Variants in DLG2 observed in about 807,000 individuals in gnomAD.
DLG2 encodes disks large homolog 2.
A neutral mutation model predicts 132.5 loss-of-function variants in DLG2; 45 were observed. The observed-to-expected ratio is 0.34, with a 90% CI of 0.27 to 0.44. The LOEUF (loss-of-function observed/expected upper bound fraction) is 0.44. DLG2 is among the 20% of genes least tolerant of loss of function. The pLI is 1.00. For synonymous variants in DLG2, 424 were observed against 419.6 expected, an observed-to-expected ratio of 1.01 and a Z score of -0.13; for missense variants, 1,045 against 1,196.9, an observed-to-expected ratio of 0.87 and a Z score of 1.87.
rs543646235 is a variant in DLG2, at chr11:84,421,475, T to A, written c.519+113095A>T. Among the ~76,000 whole-genome samples, 7 of 152,282 alleles carry A rather than the reference T, an allele frequency of 4.6e-5. No individual in the cohort carries two copies. In the East Asian group the frequency reaches 1.4e-3, roughly 30 times the overall value. On this transcript the variant is annotated intron_variant, in intron 7 of 27. Coordinates refer to ENST00000376104, the MANE Select transcript of DLG2 (RefSeq NM_001142699.3). ...TGTTTTATCAAGACTTCCAGGTGAT[T>A]TCCATGCACACTAAAGTTTGAGAAT...
At chr11:85,525,372 GT>G (rs1435133216) in intron 3 of DLG2, among the ~76,000 whole-genome samples, 1 of 152,014 alleles carries the variant, frequency 6.6e-6, no homozygotes, top group Admixed American at 6.6e-5. Context: ...TGAAACTAAG[GT>G]TTTCATTATC....
intron 3 of DLG2, among the ~76,000 whole-genome samples, chr11:85,490,467 G>T (rs2093531267): frequency 1.3e-5 from 2 of 151,290 alleles, no homozygotes; most frequent in Non-Finnish European, 2.9e-5. Context: ...AGAACTAAAT[G>T]ACAAAAAAAT....
chr11:84,778,293 A>G (rs934847355), intron 6 of DLG2, among the ~76,000 whole-genome samples: 26 of 152,064 alleles, frequency 1.7e-4, no homozygotes, highest in African/African-American at 6.0e-4. Context: ...TGGATTCTCT[A>G]TTCTGTTCTA....
chr11:84,701,123 AG>A (rs1193095092), intron 6 of DLG2, among the ~76,000 whole-genome samples: 2 of 151,588 alleles, frequency 1.3e-5, no homozygotes, highest in African/African-American at 4.8e-5. Context: ...TCCCAATCAC[AG>A]TTGACTTAGA....
chr11:85,162,597 TTTTCC>T (rs2078117167), intron 4 of DLG2, among the ~76,000 whole-genome samples: 1 of 152,228 alleles, frequency 6.6e-6, no homozygotes, highest in South Asian at 2.1e-4. Context: ...TTTATTTCCT[TTTTCC>T]TTTATTATGT....
intron 8 of DLG2, among the ~76,000 whole-genome samples, chr11:84,216,777 T>G (rs548859844): frequency 1.3e-5 from 2 of 152,334 alleles, no homozygotes; most frequent in South Asian, 4.1e-4. Context: ...AATGTTATAT[T>G]GCTCATAGTA....
At chr11:84,326,516 C>T (rs991824482) in intron 7 of DLG2, among the ~76,000 whole-genome samples, 5 of 152,122 alleles carry the variant, frequency 3.3e-5, no homozygotes, top group African/African-American at 1.2e-4. Flanking sequence ...TTAATTTCCT[C>T]ATGTGTAAAT....
intron 6 of DLG2, among the ~76,000 whole-genome samples, chr11:84,807,883 C>A (rs189148167): frequency 6.6e-6 from 1 of 152,038 alleles, no homozygotes; most frequent in African/African-American, 2.4e-5. Flanking sequence ...GACAAATAGA[C>A]AAACACATAA....
At chr11:84,699,417 T>G (rs2058970054) in intron 6 of DLG2, among the ~76,000 whole-genome samples, 1 of 151,554 alleles carries the variant, frequency 6.6e-6, no homozygotes, top group South Asian at 2.1e-4. Flanking sequence ...CCCTTCTAAA[T>G]AAGCCCTCAG....
intron 5 of DLG2, among the ~76,000 whole-genome samples, chr11:85,141,282 C>A (rs747958435): frequency 2.6e-5 from 4 of 151,706 alleles, no homozygotes; most frequent in Non-Finnish European, 4.4e-5. Context: ...GAGATGATAC[C>A]CCACTGTTGT....
rs1555518887 is a variant in DLG2, at chr11:84,350,174, T to TACCG, written c.520-98884_520-98883insCGGT. Among the ~76,000 whole-genome samples the TACCG allele has an allele frequency of 6.1e-5, 5 of 81,930 alleles. No homozygotes were observed. In the Admixed American group the frequency reaches 7.4e-4, roughly 12 times the overall value. 53.7% of individuals were successfully genotyped at this position (81,930 alleles called of 152,430 possible). A position where few individuals can be genotyped will look rare whatever the true frequency, so the allele number is the denominator to read the frequency against. On this transcript the variant is annotated intron_variant, in intron 7 of 27. Transcript: ENST00000376104. ...GCCTGGGCGACAGAGAGAGACTTCG[T>TACCG]CCCCCCCCCCAAAAAAAAAAAAAAA...
At chr11:83,994,698 A>C (rs1296382638) in intron 11 of DLG2, among the ~76,000 whole-genome samples, 1 of 152,174 alleles carries the variant, frequency 6.6e-6, no homozygotes, top group African/African-American at 2.4e-5. Context: ...AGGCTATCTT[A>C]GTTTCCTAGG....
At chr11:84,329,442 T>C (rs1353165767) in intron 7 of DLG2, among the ~76,000 whole-genome samples, 2 of 152,190 alleles carry the variant, frequency 1.3e-5, no homozygotes, top group African/African-American at 4.8e-5. Context: ...GTGTGAGTTC[T>C]CATGAGATCT....
chr11:85,591,152 C>T (rs889841953), intron 3 of DLG2, among the ~76,000 whole-genome samples: 7 of 152,152 alleles, frequency 4.6e-5, no homozygotes, highest in African/African-American at 1.7e-4. Flanking sequence ...TTAAGAAATA[C>T]TTGATCCTGC....
chr11:84,129,537 T>G (rs1432095560), intron 9 of DLG2, among the ~76,000 whole-genome samples: 2 of 152,096 alleles, frequency 1.3e-5, no homozygotes, highest in Non-Finnish European at 2.9e-5. Flanking sequence ...GTACATGATG[T>G]GAGATGGCCT....
intron 3 of DLG2, among the ~76,000 whole-genome samples, chr11:85,509,549 A>G (rs1385236367): frequency 6.6e-6 from 1 of 152,078 alleles, no homozygotes; most frequent in Non-Finnish European, 1.5e-5. Context: ...TTTTCTTGTG[A>G]AAGACAAACA....
chr11:83,674,843 C>T (rs937205299), intron 18 of DLG2, among the ~76,000 whole-genome samples: 11 of 152,166 alleles, frequency 7.2e-5, no homozygotes, highest in Non-Finnish European at 1.3e-4. Context: ...CTGTTTATTG[C>T]TATTATTGTC....
At chr11:83,675,097 T>C (rs1463963553) in intron 18 of DLG2, among the ~76,000 whole-genome samples, 5 of 152,246 alleles carry the variant, frequency 3.3e-5, no homozygotes, top group African/African-American at 1.2e-4. Flanking sequence ...TTAATTAAAT[T>C]TGGAGTCAGA....
At chr11:83,919,643 G>A (rs1447273589) in intron 15 of DLG2, among the ~76,000 whole-genome samples, 1 of 152,140 alleles carries the variant, frequency 6.6e-6, no homozygotes, top group Non-Finnish European at 1.5e-5. Context: ...CATCTGGATT[G>A]CATATCCTCA....
Sources: gnomAD v4.1 joint callset for allele counts (sites outside exome capture counted in the v4.1 genomes callset) on GRCh38, gnomAD v4.1.1 for gene constraint, MANE v1.5 for transcripts, NCBI Gene and HGNC (gene_info 2026-07-23, HGNC 2026-07-21) for gene names.